Variants in ITPR1 observed in about 807,000 individuals in gnomAD.
The protein encoded by ITPR1 is inositol 1,4,5-trisphosphate-gated calcium channel ITPR1.
ITPR1 carries 96 observed loss-of-function variants against 318.4 expected under a neutral mutation model. The observed-to-expected ratio is 0.30, with a 90% confidence interval of 0.26 to 0.36. The LOEUF is 0.36. ITPR1 is among the 10% of genes least tolerant of loss of function. The pLI is 1.00. For missense variants in ITPR1, 2,440 were observed against 3,460.2 expected, an observed-to-expected ratio of 0.71 and a Z score of 7.40; for synonymous variants, 1,312 against 1,289.9, an observed-to-expected ratio of 1.02 and a Z score of -0.37.
chr3:4,637,983 C>T (rs1045406946), intron 5 of ITPR1, among the ~76,000 whole-genome samples: 4 of 152,182 alleles, frequency 2.6e-5, no homozygotes, highest in African/African-American at 9.7e-5. Context: ...TACATTTTCT[C>T]TGATCTCTAC....
chr3:4,504,322 GA>G (rs1406263567), intron 2 of ITPR1, among the ~76,000 whole-genome samples: 1 of 152,146 alleles, frequency 6.6e-6, no homozygotes, highest in Non-Finnish European at 1.5e-5. Flanking sequence ...AATGGAGAAT[GA>G]GCAACGTTGT....
intron 14 of ITPR1, among the ~76,000 whole-genome samples, chr3:4,661,632 G>A (rs1374815152): frequency 6.6e-6 from 1 of 152,078 alleles, no homozygotes; most frequent in Non-Finnish European, 1.5e-5. Flanking sequence ...CTTTTGTTGT[G>A]GCATTGGGGA....
At chr3:4,624,716 C>T (rs1284919567) in intron 4 of ITPR1, among the ~76,000 whole-genome samples, 9 of 145,354 alleles carry the variant, frequency 6.2e-5, no homozygotes, top group African/African-American at 2.0e-4. Flanking sequence ...ATGCAGTATT[C>T]TGTTATTTGT....
At chr3:4,787,802 T>C in intron 51 of ITPR1, 145 bp from the exon 52 acceptor site, 1 of 574,078 alleles carries the variant, frequency 1.7e-6, no homozygotes, top group Non-Finnish European at 3.1e-6. Context: ...TATATAAATC[T>C]GAGACACACA....
At chr3:4,495,431 T>G (rs953989064) in intron 2 of ITPR1, among the ~76,000 whole-genome samples, 4 of 152,228 alleles carry the variant, frequency 2.6e-5, no homozygotes, top group Non-Finnish European at 4.4e-5. Context: ...AGTGCTTTTG[T>G]TTCCTGTTGA....
At chr3:4,575,348 T>G (rs2088526113) in intron 4 of ITPR1, among the ~76,000 whole-genome samples, 1 of 152,208 alleles carries the variant, frequency 6.6e-6, no homozygotes, top group African/African-American at 2.4e-5. Flanking sequence ...AATAAGGATT[T>G]ATATGAGGAA....
intron 44 of ITPR1, among the ~76,000 whole-genome samples, chr3:4,758,260 C>T (rs367765004): frequency 3.3e-5 from 5 of 152,156 alleles, no homozygotes; most frequent in Non-Finnish European, 5.9e-5. Context: ...GGTGGACCAA[C>T]TTTTAGAAGC....
rs1266463072 is a variant in ITPR1 at position 4,611,735 on chromosome 3, C to A, written c.164-16028C>A. ...CACTCCAGCTTGGGTGCCAGCGAGA[C>A]CTTCTCTCAAAAAATAAACGAAAAT... On this transcript the variant is annotated intron_variant, in intron 4 of 61. Transcript: ENST00000649015. Among the ~76,000 whole-genome samples, 3 of 152,064 alleles carry A rather than the reference C, an allele frequency of 2.0e-5. No homozygotes were observed. In the East Asian group the frequency reaches 5.8e-4, roughly 29 times the overall value.
intron 5 of ITPR1, among the ~76,000 whole-genome samples, chr3:4,629,110 C>T (rs913339785): frequency 6.6e-6 from 1 of 152,228 alleles, no homozygotes; most frequent in African/African-American, 2.4e-5. Flanking sequence ...GACTTTCTGT[C>T]ATCATCTACA....
chr3:4,618,941 C>T (rs1300748219), intron 4 of ITPR1, among the ~76,000 whole-genome samples: 1 of 152,238 alleles, frequency 6.6e-6, no homozygotes, highest in Non-Finnish European at 1.5e-5. Context: ...AAAAACTGTT[C>T]TCTCCATTTT....
chr3:4,729,883 C>G (rs983322716), intron 42 of ITPR1, among the ~76,000 whole-genome samples: 17 of 151,028 alleles, frequency 1.1e-4, no homozygotes, highest in Non-Finnish European at 5.9e-5. Context: ...AAGGGTTGCA[C>G]AGCCAAATGT....
At chr3:4,676,155 A>T (rs1387526083) in intron 23 of ITPR1, among the ~76,000 whole-genome samples, 1 of 150,710 alleles carries the variant, frequency 6.6e-6, no homozygotes, top group Non-Finnish European at 1.5e-5. Flanking sequence ...CAGGCTGGGC[A>T]ATATAGAGAG....
chr3:4,821,835 G>C (rs1267067518), intron 60 of ITPR1, among the ~76,000 whole-genome samples: 1 of 152,070 alleles, frequency 6.6e-6, no homozygotes, highest in Non-Finnish European at 1.5e-5. Context: ...ACGTAAAGAA[G>C]CTCTGTCTTA....
At chr3:4,791,751 C>A (rs1185937177) in intron 52 of ITPR1, among the ~76,000 whole-genome samples, 2 of 152,186 alleles carry the variant, frequency 1.3e-5, no homozygotes, top group Non-Finnish European at 2.9e-5. Flanking sequence ...GAGCTGTAAT[C>A]AAGCATTGAC....
intron 4 of ITPR1, among the ~76,000 whole-genome samples, chr3:4,579,987 G>T (rs1306082763): frequency 4.6e-5 from 7 of 152,160 alleles, no homozygotes; most frequent in Non-Finnish European, 8.8e-5. Context: ...GAGACGGGTG[G>T]ATCACGAAGT....
rs189632523 is a variant in ITPR1 at position 4,630,672 on chromosome 3, G to A, written c.279+2794G>A. On this transcript the variant is annotated intron_variant, in intron 5 of 61. Coordinates refer to ENST00000649015, the MANE Select transcript of ITPR1 (RefSeq NM_001378452.1). ...GCCATCTCGGCCTACTGCAACCTCCGCCTCCCGGGCTCAAGCGATTTTTCT... is the reference window on the plus strand; with the variant it reads ...GCCATCTCGGCCTACTGCAACCTCCACCTCCCGGGCTCAAGCGATTTTTCT... Among the ~76,000 whole-genome samples the A allele has an allele frequency of 3.3e-3, 504 of 151,252 alleles. 6 individuals are homozygous for A. The highest frequency in any genetic ancestry group is 2.9e-3 in the South Asian group (14 of 4,776).
At chr3:4,833,064 C>A (rs2050631435) in intron 60 of ITPR1, among the ~76,000 whole-genome samples, 2 of 152,228 alleles carry the variant, frequency 1.3e-5, no homozygotes, top group African/African-American at 4.8e-5. Context: ...GAGACCTTGT[C>A]TTTCTCATCT....
intron 44 of ITPR1, among the ~76,000 whole-genome samples, chr3:4,765,874 C>A (rs2045785135): frequency 6.6e-6 from 1 of 152,160 alleles, no homozygotes; most frequent in Admixed American, 6.5e-5. Context: ...TTCTGAGCTT[C>A]TTCATTTAAC....
chr3:4,698,397 ACTC>A (rs1185473921), intron 34 of ITPR1, among the ~76,000 whole-genome samples: 2 of 151,924 alleles, frequency 1.3e-5, no homozygotes, highest in African/African-American at 2.4e-5. Flanking sequence ...AAAATCTCAA[ACTC>A]CTCCTAGTTT....
Sources: gnomAD v4.1 joint callset for allele counts (sites outside exome capture counted in the v4.1 genomes callset) on GRCh38, gnomAD v4.1.1 for gene constraint, MANE v1.5 for transcripts, NCBI Gene and HGNC (gene_info 2026-07-23, HGNC 2026-07-21) for gene names.